Variants in HGS observed in about 807,000 individuals in gnomAD.
HGS encodes hepatocyte growth factor-regulated tyrosine kinase substrate, also known as human growth factor-regulated tyrosine kinase substrate.
HGS carries 63 observed loss-of-function variants against 109.7 expected under a neutral mutation model. The ratio of observed to expected loss-of-function variants is 0.57; its 90% CI spans 0.47 to 0.71. The LOEUF (loss-of-function observed/expected upper bound fraction) is 0.71, where lower values mean the gene tolerates loss of function less well. Ranked by LOEUF, HGS falls within the 30% of genes least tolerant of loss-of-function variation. HGS has a pLI of 0.00. For synonymous variants in HGS, 546 were observed against 437.3 expected (o/e 1.25, Z -3.10); for missense variants, 995 against 1,068.3 (o/e 0.93, Z 0.96).
chr17:81,695,420 A>G (rs2037130656), intron 14 of HGS, among the ~76,000 whole-genome samples, 197 bp downstream of exon 14: 1 of 152,230 alleles, frequency 6.6e-6, no homozygotes, highest in Non-Finnish European at 1.5e-5. Flanking sequence ...GCTGTGGTCC[A>G]GAGCTCGGGC....
rs139005427 is a variant in HGS, at chr17:81,688,211, G to A, written c.292-493G>A. 2.5e-4 allele frequency among the ~76,000 whole-genome samples: 38 copies of A among 152,254 alleles called. 2 individuals carry two copies. In the East Asian group the frequency reaches 6.0e-3, roughly 24 times the overall value. On this transcript the variant is annotated intron_variant, in intron 4 of 21. Transcript: ENST00000329138. The stretch of plus-strand genomic sequence containing the variant: ...CGCGAGGCCAGGCTGCGCTCTAACC[G>A]GGGGAGAGGATGGCTGCAGGGGGTC...
chr17:81,685,535 G>C lies in HGS; in HGVS notation c.38-70G>C, dbSNP rs532694475. 1.2e-4 allele frequency: 129 copies of C among 1,038,462 alleles called. No individual in the cohort carries two copies. The African/African-American group carries it at 2.0e-3, about 16-fold the overall frequency. 64.3% of individuals were successfully genotyped at this position (1,038,462 alleles called of 1,614,324 possible). On this transcript the variant is annotated intron_variant, in intron 1 of 21. Transcript: ENST00000329138. ...AAGGAGAGAGTCCCCCCCAGCTGCTGCCAAGCTGGGGTGCTGCACGGGGCG... is the reference window on the plus strand; with the variant it reads ...AAGGAGAGAGTCCCCCCCAGCTGCTCCCAAGCTGGGGTGCTGCACGGGGCG...
intron 20 of HGS, 83 bp from the exon 21 acceptor site, chr17:81,700,962 C>A: frequency 6.5e-7 from 1 of 1,544,356 alleles, no homozygotes; most frequent in East Asian, 2.3e-5. Context: ...CTGTGGTCAC[C>A]TTTGGATTGT....
Position 81,696,487 on chromosome 17 carries a change from C to T in HGS, c.1524C>T (p.Ile508=), listed in dbSNP as rs1001633581. The stretch of plus-strand genomic sequence containing the variant: ...AGGAGGCAGAGCGCCAGCGCCAGAT[C>T]CAGCTGGCCCAGAAGCTGGAGATAA... ...AAEEAERQRQ[I]QLAQKLEIMR... Residue 508 remains isoleucine, a synonymous_variant, in exon 16 of 22, where the codon ATC becomes ATT. Coordinates refer to ENST00000329138, the MANE Select transcript of HGS (RefSeq NM_004712.5). The T allele has an allele frequency of 2.6e-6, 4 of 1,526,948 alleles. No homozygotes were observed. The highest frequency in any genetic ancestry group is 1.4e-5 in the African/African-American group (1 of 73,064). The allele number at this position is 1,526,948 out of a possible 1,614,324, so 94.6% of individuals were successfully genotyped here.
rs960055028 is a variant in HGS, at chr17:81,691,387, C to G, written c.538-60C>G. On this transcript the variant is annotated intron_variant, in intron 7 of 21. Coordinates refer to ENST00000329138, the MANE Select transcript of HGS (RefSeq NM_004712.5). This position sits in a 1 kb window ranked among gnomAD's most constrained non-coding sequence, Gnocchi z 5.3. Reference sequence around the variant, plus strand: ...GGCATCGTACGGGGTGGTTCTGGGCCGGGTGGCGCATCAGGGTCCCCCAGT... The same window carrying G: ...GGCATCGTACGGGGTGGTTCTGGGCGGGGTGGCGCATCAGGGTCCCCCAGT... 3.1e-6 allele frequency: 5 copies of G among 1,605,698 alleles called. No homozygotes were observed. In the Admixed American group the frequency reaches 8.3e-5, roughly 27 times the overall value.
intron 2 of HGS, 43 bp downstream of exon 2, chr17:81,685,732 T>C (rs1165678352): frequency 1.3e-6 from 2 of 1,516,814 alleles, no homozygotes; most frequent in Non-Finnish European, 1.8e-6. Context: ...GGAGCAGCCG[T>C]GCACTAAGCT....
chr17:81,690,297 G>T (rs1195036324), intron 6 of HGS, 63 bp downstream of exon 6: 10 of 1,539,816 alleles, frequency 6.5e-6, no homozygotes, highest in Non-Finnish European at 9.0e-6. Flanking sequence ...GAAGGGGAGT[G>T]CTGGGAGCCC....
chr17:81,695,656 G>T, intron 14 of HGS, 130 bp from the exon 15 acceptor site: 1 of 787,942 alleles, frequency 1.3e-6, no homozygotes, highest in East Asian at 2.6e-5. Flanking sequence ...TGTAGAAGGG[G>T]CTGCTTGCAT....
At position 81,684,104 on chromosome 17, in the gene HGS, GT is replaced by G; in HGVS notation, c.37+2del. 1 of 1,585,638 alleles carries G rather than the reference GT, an allele frequency of 6.3e-7. No individual in the cohort carries two copies. On this transcript the variant is annotated splice_donor_variant, in intron 1 of 21. Transcript: ENST00000329138. LOFTEE classifies it high-confidence loss of function. ...AGCGGCACCTTCGAGCGTCTCCTAG[GT>G]AACGCGTCCCCACCCGACGGCTCGG...
Position 81,691,896 on chromosome 17 carries a change from A to G in HGS, c.662+325A>G, listed in dbSNP as rs917085549. On this transcript the variant is annotated intron_variant, in intron 8 of 21. Transcript: ENST00000329138. This position sits in a 1 kb window ranked among gnomAD's most constrained non-coding sequence, Gnocchi z 5.3. Reference sequence around the variant, plus strand: ...CAGAAAAGTTGCAAGAGTAGCACAGAGAAGCTGCGGGGCCGCGGCCAGTGC... The same window carrying G: ...CAGAAAAGTTGCAAGAGTAGCACAGGGAAGCTGCGGGGCCGCGGCCAGTGC... 7.1e-5 allele frequency: 17 copies of G among 239,152 alleles called. No individual in the cohort carries two copies. Among genetic ancestry groups the G allele is most frequent in the East Asian group, 5.6e-4 (6 of 10,754 alleles). 14.8% of individuals were successfully genotyped at this position (239,152 alleles called of 1,614,324 possible).
intron 9 of HGS, 30 bp from the exon 10 acceptor site, chr17:81,693,624 C>A: frequency 1.3e-6 from 2 of 1,529,274 alleles, no homozygotes; most frequent in Non-Finnish European, 1.8e-6. Flanking sequence ...TTCCCCGGCG[C>A]CCCCCCTCAC....
chr17:81,695,361 T>G (rs904534396), intron 14 of HGS, 138 bp downstream of exon 14: 3 of 834,712 alleles, frequency 3.6e-6, no homozygotes, highest in Non-Finnish European at 5.7e-6. Context: ...AGCCCTGGCC[T>G]GCCCTGCCCT....
At chr17:81,696,125 C>T (rs2037142349) in intron 15 of HGS, 126 bp downstream of exon 15, 3 of 963,380 alleles carry the variant, frequency 3.1e-6, no homozygotes, top group African/African-American at 1.7e-5. Context: ...GTGGCTTCCT[C>T]CAGAGAGTGT....
intron 18 of HGS, chr17:81,697,473 G>A (rs1392295709): frequency 6.5e-6 from 1 of 153,558 alleles, no homozygotes. Flanking sequence ...GGTTTGTCTG[G>A]TGTCTCCACG....
chr17:81,685,016 G>GA (rs1555697382), intron 1 of HGS: 7 of 985,182 alleles, frequency 7.1e-6, no homozygotes, highest in Non-Finnish European at 8.4e-6. Context: ...AGCTGGAGCT[G>GA]CCCCCCCAGA....
In HGS at chr17:81,691,793, C is replaced by G; in HGVS notation, c.662+222C>G. 2 of 506,992 alleles carry G rather than the reference C, an allele frequency of 3.9e-6. No homozygotes were observed. Among genetic ancestry groups the G allele is most frequent in the South Asian group, 5.4e-5 (2 of 37,352 alleles). The allele number at this position is 506,992 out of a possible 1,614,324, so 31.4% of individuals were successfully genotyped here. A position where few individuals can be genotyped will look rare whatever the true frequency, so the allele number is the denominator to read the frequency against. ...AGACAGGGCGCCGCGGCTCCAGGGA[C>G]CGAGGCTGCCCCGACAAACCTGTTG... On this transcript the variant is annotated intron_variant, in intron 8 of 21. Transcript: ENST00000329138. This position sits in a 1 kb window ranked among gnomAD's most constrained non-coding sequence, Gnocchi z 5.3.
chr17:81,691,912 C>T lies in HGS; in HGVS notation c.662+341C>T, dbSNP rs1044471372. On this transcript the variant is annotated intron_variant, in intron 8 of 21. Transcript: ENST00000329138. The surrounding 1 kb of genome is among the most constrained non-coding windows in gnomAD (Gnocchi z 5.3). Reference sequence around the variant, plus strand: ...GTAGCACAGAGAAGCTGCGGGGCCGCGGCCAGTGCCTCAGCGGTGGGAACC... The same window carrying T: ...GTAGCACAGAGAAGCTGCGGGGCCGTGGCCAGTGCCTCAGCGGTGGGAACC... 2.4e-5 allele frequency: 5 copies of T among 208,044 alleles called. No homozygotes were observed. The highest frequency in any genetic ancestry group is 1.0e-4 in the Admixed American group (2 of 19,176). 12.9% of individuals were successfully genotyped at this position (208,044 alleles called of 1,614,324 possible).
Position 81,685,705 on chromosome 17 carries a change from C to T in HGS, c.122+16C>T. On this transcript the variant is annotated intron_variant, in intron 2 of 21. Transcript: ENST00000329138. Reference sequence around the variant, plus strand: ...GGGACACACAGTGAGTTAGCGGGGCCTGTGCCCTGATGCGGAGGAGCAGCC... The same window carrying T: ...GGGACACACAGTGAGTTAGCGGGGCTTGTGCCCTGATGCGGAGGAGCAGCC... 2 of 1,602,590 alleles carry T rather than the reference C, an allele frequency of 1.2e-6. No homozygotes were observed. The highest frequency in any genetic ancestry group is 2.2e-5 in the East Asian group (1 of 44,526).
chr17:81,699,792 C>T (rs1043113851), intron 18 of HGS, among the ~76,000 whole-genome samples: 1 of 151,794 alleles, frequency 6.6e-6, no homozygotes, highest in Non-Finnish European at 1.5e-5. Flanking sequence ...AAGGAAAACT[C>T]CTGGCCGGGC....
Sources: allele counts gnomAD v4.1 joint callset (sites outside exome capture counted in the v4.1 genomes callset), GRCh38; gene constraint gnomAD v4.1.1; non-coding constraint Gnocchi (gnomAD v3.1); transcripts MANE v1.5; gene names NCBI Gene and HGNC (gene_info 2026-07-23, HGNC 2026-07-21).